Variants in NACC2 observed in about 807,000 individuals in gnomAD.
The protein encoded by NACC2 is nucleus accumbens-associated protein 2.
In NACC2, 8 loss-of-function variants were observed where a neutral mutation model predicts 25.1. That is an observed-to-expected ratio of 0.32 (90% CI 0.19 to 0.57). The LOEUF (loss-of-function observed/expected upper bound fraction) is 0.57. Ranked by LOEUF, NACC2 falls within the 20% of genes least tolerant of loss-of-function variation. The pLI, the probability that NACC2 is intolerant of heterozygous loss-of-function variation, is 0.89. For synonymous variants in NACC2, 435 were observed against 294.7 expected (o/e 1.48, Z -4.88); for missense variants, 644 against 650.2 (o/e 0.99, Z 0.10).
At chr9:136,089,743 G>A (rs560561118) in intron 1 of NACC2, among the ~76,000 whole-genome samples, 7 of 151,082 alleles carry the variant, frequency 4.6e-5, no homozygotes, top group Non-Finnish European at 8.8e-5. Context: ...AGCCACGGCC[G>A]ACCACTCAAC....
rs1387923862 is a variant in NACC2 at position 136,022,922 on chromosome 9, T to G, written c.887-6493A>C. Among the ~76,000 whole-genome samples the G allele has an allele frequency of 1.0e-5, 1 of 100,398 alleles. No homozygotes were observed. The highest frequency in any genetic ancestry group is 1.9e-5 in the Non-Finnish European group (1 of 51,918). The allele number at this position is 100,398 out of a possible 152,430, so 65.9% of individuals were successfully genotyped here. A position where few individuals can be genotyped will look rare whatever the true frequency, so the allele number is the denominator to read the frequency against. On this transcript the variant is annotated intron_variant, in intron 2 of 5. Coordinates refer to ENST00000277554, the MANE Select transcript of NACC2 (RefSeq NM_144653.5). This position sits in a 1 kb window ranked among gnomAD's most constrained non-coding sequence, Gnocchi z 4.4. ...ACGCCATGCCACGCCACACCGTGCC[T>G]GTTAAGACACAGCCCGTTTCGTGGA...
chr9:136,058,393 G>A lies in NACC2; in HGVS notation c.-59-7813C>T, dbSNP rs550740385. Among the ~76,000 whole-genome samples, 3 of 152,272 alleles carry A rather than the reference G, an allele frequency of 2.0e-5. No homozygotes were observed. The South Asian group carries it at 6.2e-4, about 31-fold the overall frequency. ...AGGGACCCGGGATTCCCATCCTCAG[G>A]GGTGTCCGGCGGAAGCAGCAGGCAC... On this transcript the variant is annotated intron_variant, in intron 1 of 5. Transcript: ENST00000277554.
At chr9:136,078,371 A>G (rs1220333574) in intron 1 of NACC2, among the ~76,000 whole-genome samples, 1 of 152,144 alleles carries the variant, frequency 6.6e-6, no homozygotes, top group African/African-American at 2.4e-5. Context: ...TCTCCAAATA[A>G]TTCTGGCTCT....
rs1312746089 is a variant in NACC2 at position 136,086,141 on chromosome 9, T to C, written c.-60+9048A>G. ...AAACCAAGTCACCCCTGGGGACCCT[T>C]GTTGGACATTCTAAAAACCTTCAGA... On this transcript the variant is annotated intron_variant, in intron 1 of 5. Coordinates refer to ENST00000277554, the MANE Select transcript of NACC2 (RefSeq NM_144653.5). The surrounding 1 kb of genome is among the most constrained non-coding windows in gnomAD (Gnocchi z 5.6). Among the ~76,000 whole-genome samples the C allele has an allele frequency of 6.6e-6, 1 of 152,220 alleles. No individual in the cohort carries two copies. The highest frequency in any genetic ancestry group is 1.5e-5 in the Non-Finnish European group (1 of 68,034).
In NACC2 at chr9:136,013,780, T is replaced by C; in HGVS notation, c.1157+84A>G. The C allele has an allele frequency of 7.9e-7, 1 of 1,260,684 alleles. No homozygotes were observed. The highest frequency in any genetic ancestry group is 1.1e-6 in the Non-Finnish European group (1 of 890,496). 78.1% of individuals were successfully genotyped at this position (1,260,684 alleles called of 1,614,324 possible). A position where few individuals can be genotyped will look rare whatever the true frequency, so the allele number is the denominator to read the frequency against. ...GAGAGGGCTTTCAATGCCACAACCC[T>C]GGACGATCAGACAGCTCATAGCTAA... On this transcript the variant is annotated intron_variant, in intron 4 of 5. Coordinates refer to ENST00000277554, the MANE Select transcript of NACC2 (RefSeq NM_144653.5). This position sits in a 1 kb window ranked among gnomAD's most constrained non-coding sequence, Gnocchi z 6.6.
intron 3 of NACC2, among the ~76,000 whole-genome samples, chr9:136,015,963 C>CG (rs1840195714): frequency 6.6e-6 from 1 of 152,144 alleles, no homozygotes; most frequent in Admixed American, 6.5e-5. Flanking sequence ...CCTCGCGGGG[C>CG]GGGGGGACTG....
chr9:136,087,532 C>T (rs1385283018), intron 1 of NACC2, among the ~76,000 whole-genome samples: 2 of 152,192 alleles, frequency 1.3e-5, no homozygotes, highest in Non-Finnish European at 2.9e-5. Flanking sequence ...TCGCAGGGCC[C>T]GGCTGGGGAA....
At chr9:136,030,047 G>A (rs142723650) in intron 2 of NACC2, among the ~76,000 whole-genome samples, 27 of 152,240 alleles carry the variant, frequency 1.8e-4, no homozygotes, top group Non-Finnish European at 3.2e-4. Context: ...CTTAATTTTC[G>A]TAATTTTAGT....
Position 136,013,159 on chromosome 9 carries a change from G to GCCCCCGGGCCCCCCCCCC in NACC2, c.1255+39_1255+40insGGGGGGGGGGCCCGGGGG. On this transcript the variant is annotated intron_variant, in intron 5 of 5. Transcript: ENST00000277554. The surrounding 1 kb of genome is among the most constrained non-coding windows in gnomAD (Gnocchi z 6.6). ...CTCCTCAGGCTGGGATCTGAACCCA[G>GCCCCCGGGCCCCCCCCCC]CCCCGGCCCCACCCACCCGAGAGAC... The GCCCCCGGGCCCCCCCCCC allele has an allele frequency of 1.3e-6, 1 of 754,890 alleles. No individual in the cohort carries two copies. The highest frequency in any genetic ancestry group is 2.3e-6 in the Non-Finnish European group (1 of 425,914). The allele number at this position is 754,890 out of a possible 1,614,324, so 46.8% of individuals were successfully genotyped here.
intron 1 of NACC2, among the ~76,000 whole-genome samples, chr9:136,085,584 G>A (rs915717973): frequency 6.6e-6 from 1 of 152,146 alleles, no homozygotes; most frequent in East Asian, 1.9e-4. Context: ...ATCTGCTGGT[G>A]TAAGGCCAGG....
chr9:136,060,373 A>G (rs1588575713), intron 1 of NACC2, among the ~76,000 whole-genome samples: 1 of 152,238 alleles, frequency 6.6e-6, no homozygotes, highest in Non-Finnish European at 1.5e-5. Context: ...GGGCCATAAA[A>G]GGTAATTACC....
At chr9:136,076,917 A>C (rs1830268492) in intron 1 of NACC2, among the ~76,000 whole-genome samples, 1 of 149,210 alleles carries the variant, frequency 6.7e-6, no homozygotes, top group Non-Finnish European at 1.5e-5. Context: ...CTAGGCGGAG[A>C]ATGGCGTGAA....
Position 136,020,203 on chromosome 9 carries a change from C to T in NACC2, c.887-3774G>A, listed in dbSNP as rs4841905. ...CGCTCAGAAAGAACAAATGAACGAA[C>T]GTCAGAAGGAGGGGGCCATGCAGGT... On this transcript the variant is annotated intron_variant, in intron 2 of 5. Coordinates refer to ENST00000277554, the MANE Select transcript of NACC2 (RefSeq NM_144653.5). The surrounding 1 kb of genome is among the most constrained non-coding windows in gnomAD (Gnocchi z 4.7). Among the ~76,000 whole-genome samples the T allele has an allele frequency of 0.21, 31,804 of 152,100 alleles. 4,856 individuals are homozygous for T. The highest frequency in any genetic ancestry group is 0.43 in the African/African-American group (17,664 of 41,472).
chr9:136,062,999 T>C (rs1051811583), intron 1 of NACC2, among the ~76,000 whole-genome samples: 3 of 152,264 alleles, frequency 2.0e-5, no homozygotes, highest in Non-Finnish European at 4.4e-5. Flanking sequence ...ACCCCATGCC[T>C]GTCTTCTTGT....
In NACC2 at chr9:136,066,265, T is replaced by G. The variant is rs530510555; in HGVS notation, c.-59-15685A>C. ...AATATCTGCCAACCATACAAGAGAC[T>G]TATATCTAGAATGTATAAATAATTC... On this transcript the variant is annotated intron_variant, in intron 1 of 5. Transcript: ENST00000277554. Among the ~76,000 whole-genome samples, 4 of 150,752 alleles carry G rather than the reference T, an allele frequency of 2.7e-5. No homozygotes were observed. In the South Asian group the frequency reaches 6.3e-4, roughly 24 times the overall value.
intron 2 of NACC2, among the ~76,000 whole-genome samples, chr9:136,021,761 C>G (rs1588559397): frequency 6.6e-6 from 1 of 152,212 alleles, no homozygotes. Context: ...TGACGTGTTA[C>G]CGCTTGGCTG....
chr9:136,050,342 G>T lies in NACC2; in HGVS notation c.180C>A (p.Ser60Arg). 1.3e-6 allele frequency: 1 copy of T among 743,504 alleles called. No individual in the cohort carries two copies. Among genetic ancestry groups the T allele is most frequent in the Non-Finnish European group, 2.5e-6 (1 of 405,024 alleles). The allele number at this position is 743,504 out of a possible 1,614,324, so 46.1% of individuals were successfully genotyped here. A position where few individuals can be genotyped will look rare whatever the true frequency, so the allele number is the denominator to read the frequency against. ...GCTCGAAGGCGCTCTTGCTGTTGCC[G>T]CTGAACAGGTCGCGGAAGTAGAGGC... is the stretch of plus-strand genomic sequence containing the variant. Reference protein sequence around the residue: ...ASSLYFRDLFSGNSKSAFELP... With the variant: ...ASSLYFRDLFRGNSKSAFELP... The change falls in exon 2 of 6, where the codon AGC becomes AGA. Residue 60 changes from serine (S) to arginine (R), a missense_variant. Physicochemically the swap from Ser to Arg is moderately radical, Grantham distance 110. Coordinates refer to ENST00000277554, the MANE Select transcript of NACC2 (RefSeq NM_144653.5).
intron 2 of NACC2, among the ~76,000 whole-genome samples, chr9:136,037,512 A>ATTT (rs34316222): frequency 1.4e-5 from 2 of 143,560 alleles, no homozygotes; most frequent in Admixed American, 1.4e-4. Context: ...TTAAATTTTC[A>ATTT]TTTTTTTTTT....
rs1253964208 is a variant in NACC2 at position 136,055,785 on chromosome 9, G to A, written c.-59-5205C>T. On this transcript the variant is annotated intron_variant, in intron 1 of 5. Transcript: ENST00000277554. This position sits in a 1 kb window ranked among gnomAD's most constrained non-coding sequence, Gnocchi z 4.9. ...GGGGCACGGGAAACGTTCTGCGGAG[G>A]GGAGAGTCCCTCTACCCCGAGCCCC... 6.6e-6 allele frequency among the ~76,000 whole-genome samples: 1 copy of A among 152,226 alleles called. No homozygotes were observed. The highest frequency in any genetic ancestry group is 2.4e-5 in the African/African-American group (1 of 41,446).
Sources: gnomAD v4.1 joint callset for allele counts (sites outside exome capture counted in the v4.1 genomes callset) on GRCh38, gnomAD v4.1.1 for gene constraint, Gnocchi (gnomAD v3.1) non-coding constraint, MANE v1.5 for transcripts, NCBI Gene and HGNC (gene_info 2026-07-23, HGNC 2026-07-21) for gene names.